Variants in PRDM4 observed in about 807,000 individuals in gnomAD.
PRDM4 encodes the protein PR/SET domain 4.
Under a neutral mutation model 62.3 loss-of-function variants are expected in PRDM4, and 38 were observed. The ratio of observed to expected loss-of-function variants is 0.61; its 90% confidence interval spans 0.47 to 0.80. The LOEUF (loss-of-function observed/expected upper bound fraction) is 0.80. Among genes scored for constraint, PRDM4 ranks in the 30% least tolerant of loss-of-function variants. PRDM4 has a pLI of 0.00. For missense variants in PRDM4, 858 were observed against 997.1 expected, an observed-to-expected ratio of 0.86 and a Z score of 1.88; for synonymous variants, 339 against 348.2, an observed-to-expected ratio of 0.97 and a Z score of 0.30.
intron 2 of PRDM4, 106 bp downstream of exon 2, chr12:107,760,399 C>T: frequency 1.4e-6 from 2 of 1,454,930 alleles, no homozygotes; most frequent in African/African-American, 1.4e-5. Flanking sequence ...CAAATCACAC[C>T]TGTAACCTTC....
At chr12:107,746,774 C>G (rs1291541330) in intron 5 of PRDM4, among the ~76,000 whole-genome samples, 1 of 152,148 alleles carries the variant, frequency 6.6e-6, no homozygotes, top group African/African-American at 2.4e-5. Flanking sequence ...TGTAAGCCAC[C>G]ATGCCCAGCC....
chr12:107,744,668 G>A lies in PRDM4; in HGVS notation c.1277-7C>T. 3 of 1,613,232 alleles carry A rather than the reference G, an allele frequency of 1.9e-6. No homozygotes were observed. The highest frequency in any genetic ancestry group is 1.7e-5 in the Admixed American group (1 of 59,996). The stretch of plus-strand genomic sequence containing the variant: ...GTTTCTCCAGTCCATACACCTGTCA[G>A]TGGAAGGACACCAACTACACAATCA... On this transcript the variant is annotated splice_polypyrimidine_tract_variant and splice_region_variant and intron_variant, in intron 6 of 11. Coordinates refer to ENST00000228437, the MANE Select transcript of PRDM4 (RefSeq NM_012406.4).
At chr12:107,744,096 A>G (rs1890607750) in intron 7 of PRDM4, among the ~76,000 whole-genome samples, 1 of 152,090 alleles carries the variant, frequency 6.6e-6, no homozygotes, top group Non-Finnish European at 1.5e-5. Flanking sequence ...CCTGGGCAAC[A>G]GAGCAAGACT....
chr12:107,753,363 T>A (rs1890960157), intron 4 of PRDM4, among the ~76,000 whole-genome samples: 4 of 143,718 alleles, frequency 2.8e-5, no homozygotes, highest in South Asian at 2.2e-4. Context: ...TGAGACTCCG[T>A]CTCCATTAAA....
Position 107,741,161 on chromosome 12 carries a change from T to C in PRDM4, c.1709A>G (p.His570Arg), listed in dbSNP as rs1342111966. The part of the protein sequence containing the change: ...KAHLTSHIHN[H>R]LPTQGHSGSH... ...GCCGCTATGTCCCTGGGTAGGAAGA[T>C]GGTTATGGATGTGGCTGGTCAGATG... The change falls in exon 10 of 12, where the codon CAT (histidine) becomes CGT (arginine). Residue 570 changes from histidine to arginine, a missense_variant. Physicochemically the swap from His to Arg is conservative, Grantham distance 29. Coordinates refer to ENST00000228437, the MANE Select transcript of PRDM4 (RefSeq NM_012406.4). The C allele has an allele frequency of 1.9e-6, 3 of 1,614,128 alleles. No homozygotes were observed. Among genetic ancestry groups the C allele is most frequent in the Admixed American group, 3.3e-5 (2 of 59,998 alleles).
At chr12:107,755,520 C>T (rs1011329296) in intron 3 of PRDM4, among the ~76,000 whole-genome samples, 2 of 152,142 alleles carry the variant, frequency 1.3e-5, no homozygotes, top group Non-Finnish European at 2.9e-5. Context: ...GACACTTAAA[C>T]AAATGTGAAG....
At chr12:107,752,255 T>G (rs781413029) in intron 4 of PRDM4, 46 bp from the exon 5 acceptor site, 3 of 1,403,958 alleles carry the variant, frequency 2.1e-6, no homozygotes, top group East Asian at 4.6e-5. Context: ...TAGTACATTA[T>G]TAAAGAATTC....
chr12:107,739,555 CA>C lies in PRDM4; in HGVS notation c.1925-5del, dbSNP rs1418150209. 4.3e-6 allele frequency: 7 copies of C among 1,611,892 alleles called. No individual in the cohort carries two copies. Among genetic ancestry groups the C allele is most frequent in the Non-Finnish European group, 5.9e-6 (7 of 1,178,858 alleles). ...GTACACCTGTAGTTCTTCTGACCTG[CA>C]ATCAGCCCAAAGTATTACACCGTGA... On this transcript the variant is annotated splice_region_variant and splice_polypyrimidine_tract_variant and intron_variant, in intron 10 of 11. Coordinates refer to ENST00000228437, the MANE Select transcript of PRDM4 (RefSeq NM_012406.4).
At chr12:107,751,138 C>T (rs570099085) in intron 5 of PRDM4, among the ~76,000 whole-genome samples, 5 of 152,330 alleles carry the variant, frequency 3.3e-5, no homozygotes, top group East Asian at 1.9e-4. Flanking sequence ...CACACTACCG[C>T]ATGTGCTAAG....
In PRDM4 at chr12:107,753,994, T is replaced by C; in HGVS notation, c.261A>G (p.Glu87=). 6.2e-7 allele frequency: 1 copy of C among 1,614,096 alleles called. No individual in the cohort carries two copies. Among genetic ancestry groups the C allele is most frequent in the South Asian group, 1.1e-5 (1 of 91,088 alleles). Reference sequence around the variant, plus strand: ...GTGGTGGAGGTAGGGTGTAGTTTCTTTCAGGTAACCCACACATCACCCCTC... The same window carrying C: ...GTGGTGGAGGTAGGGTGTAGTTTCTCTCAGGTAACCCACACATCACCCCTC... ...GDRGVMCGLP[E]RNYTLPPPPY... The change falls in exon 4 of 12, where the codon GAA becomes GAG. Residue 87 remains glutamate, a synonymous_variant. Coordinates refer to ENST00000228437, the MANE Select transcript of PRDM4 (RefSeq NM_012406.4).
chr12:107,745,337 G>C (rs1326281979), intron 6 of PRDM4, among the ~76,000 whole-genome samples: 1 of 152,174 alleles, frequency 6.6e-6, no homozygotes, highest in Non-Finnish European at 1.5e-5. Flanking sequence ...GGCCAAGGCA[G>C]GACTGCTTGA....
chr12:107,751,992 G>A lies in PRDM4; in HGVS notation c.549C>T (p.Gly183=). The A allele has an allele frequency of 1.2e-6, 2 of 1,614,216 alleles. No homozygotes were observed. Among genetic ancestry groups the A allele is most frequent in the Non-Finnish European group, 1.7e-6 (2 of 1,180,008 alleles). Residue 183 remains glycine (G), a synonymous_variant, in exon 5 of 12, where the codon GGC becomes GGT. Coordinates refer to ENST00000228437, the MANE Select transcript of PRDM4 (RefSeq NM_012406.4). ...TTGCTGTGTCCAAGGCCACCTCATG[G>A]CCATCACTGGGATGAAGACTTTGGG... The part of the protein sequence containing the change: ...HGAQSLHPSD[G]HEVALDTAIT...
At chr12:107,740,826 C>T (rs564645795) in intron 10 of PRDM4, 120 bp downstream of exon 10, 14 of 1,054,832 alleles carry the variant, frequency 1.3e-5, no homozygotes, top group South Asian at 6.6e-5. Context: ...AGTTAAACCA[C>T]GAAGGTTTCT....
chr12:107,760,020 C>T (rs1034016950), intron 2 of PRDM4: 5 of 152,384 alleles, frequency 3.3e-5, no homozygotes, highest in African/African-American at 9.6e-5. Context: ...GAATTTGTGC[C>T]TTATCTTCCT....
chr12:107,760,428 A>G, intron 2 of PRDM4, 77 bp downstream of exon 2: 1 of 1,578,126 alleles, frequency 6.3e-7, no homozygotes, highest in Non-Finnish European at 8.6e-7. Flanking sequence ...ACCAAAAACA[A>G]CGGCACTGAC....
In PRDM4 at chr12:107,756,898, A is replaced by C; in HGVS notation, c.79T>G (p.Leu27Val). The change falls in exon 3 of 12, where the codon TTG becomes GTG. Residue 27 changes from leucine (L) to valine (V), a missense_variant. Transcript: ENST00000228437. Reference sequence around the variant, plus strand: ...CCCAGGTGACTTCCTGAGACTGGCAAGGCATTGCTCACAGAGGATGAAGTC... The same window carrying C: ...CCCAGGTGACTTCCTGAGACTGGCACGGCATTGCTCACAGAGGATGAAGTC... The part of the protein sequence containing the change: ...QLTSSSVSNA[L>V]PVSGSHLGLA... 1.9e-6 allele frequency: 3 copies of C among 1,614,144 alleles called. No individual in the cohort carries two copies. Among genetic ancestry groups the C allele is most frequent in the Non-Finnish European group, 2.5e-6 (3 of 1,180,010 alleles).
chr12:107,740,871 C>T (rs1890495000), intron 10 of PRDM4, 75 bp downstream of exon 10: 1 of 1,421,834 alleles, frequency 7.0e-7, no homozygotes, highest in Non-Finnish European at 9.6e-7. Flanking sequence ...CACCTACAAT[C>T]CCTCTACAAA....
intron 7 of PRDM4, among the ~76,000 whole-genome samples, chr12:107,743,775 T>C (rs1890593241): frequency 6.6e-6 from 1 of 152,160 alleles, no homozygotes; most frequent in African/African-American, 2.4e-5. Flanking sequence ...TCATTCCCAA[T>C]AGATATCTAT....
At chr12:107,755,664 A>G (rs1891041987) in intron 3 of PRDM4, among the ~76,000 whole-genome samples, 1 of 152,246 alleles carries the variant, frequency 6.6e-6, no homozygotes, top group Non-Finnish European at 1.5e-5. Flanking sequence ...AAAGTCCAAT[A>G]CATAACAATG....
Sources: gnomAD v4.1 joint callset for allele counts (sites outside exome capture counted in the v4.1 genomes callset) on GRCh38, gnomAD v4.1.1 for gene constraint, MANE v1.5 for transcripts, NCBI Gene and HGNC (gene_info 2026-07-23, HGNC 2026-07-21) for gene names.